Variants in TNS1 observed in about 807,000 individuals in gnomAD.
The protein encoded by TNS1 is tensin 1.
A neutral mutation model predicts 168.6 loss-of-function variants in TNS1; 62 were observed. The observed-to-expected ratio is 0.37, with a 90% CI of 0.30 to 0.45. TNS1 has a LOEUF of 0.45. Ranked by LOEUF, TNS1 falls within the 20% of genes least tolerant of loss-of-function variation. TNS1 has a pLI of 1.00. For missense variants in TNS1, 2,240 were observed against 2,339.4 expected, an observed-to-expected ratio of 0.96 and a Z score of 0.88; for synonymous variants, 934 against 933.2, an observed-to-expected ratio of 1.00 and a Z score of -0.02.
intron 18 of TNS1, among the ~76,000 whole-genome samples, chr2:217,852,466 A>G (rs1947636352): frequency 6.6e-6 from 1 of 152,198 alleles, no homozygotes; most frequent in Non-Finnish European, 1.5e-5. Context: ...GGAGCTGCAA[A>G]GCAAAGGCTG....
At position 217,831,695 on chromosome 2, in the gene TNS1, C is replaced by T. The variant is rs975746372; in HGVS notation, c.3281-148G>A. 2.7e-5 allele frequency: 14 copies of T among 524,324 alleles called. No homozygotes were observed. The East Asian group carries it at 3.5e-4, about 13-fold the overall frequency. 32.5% of individuals were successfully genotyped at this position (524,324 alleles called of 1,614,324 possible). A position where few individuals can be genotyped will look rare whatever the true frequency, so the allele number is the denominator to read the frequency against. On this transcript the variant is annotated intron_variant, in intron 21 of 32. Coordinates refer to ENST00000682258, the MANE Select transcript of TNS1 (RefSeq NM_001387777.1). ...CCTGAGGCCCAGCGCTTTGGCTCCA[C>T]TGCCCTTTCCCGCCTCCGTATTTCT...
In TNS1 at chr2:217,916,862, A is replaced by G. The variant is rs569245443; in HGVS notation, c.228+3333T>C. ...CAGAGAGCTGGAACTCAACTGAGAC[A>G]TGAAGAAAACACAACACACAGAAGG... is the stretch of plus-strand genomic sequence containing the variant. On this transcript the variant is annotated intron_variant, in intron 4 of 32. Coordinates refer to ENST00000682258, the MANE Select transcript of TNS1 (RefSeq NM_001387777.1). 3.3e-5 allele frequency among the ~76,000 whole-genome samples: 5 copies of G among 152,334 alleles called. No individual in the cohort carries two copies. In the East Asian group the frequency reaches 5.8e-4, roughly 18 times the overall value.
At chr2:217,920,563 A>ATTTTTTTTTTTTTTTTTTT (rs35026780) in intron 3 of TNS1, among the ~76,000 whole-genome samples, 1 of 135,920 alleles carries the variant, frequency 7.4e-6, no homozygotes. Context: ...AAGAAGAAGG[A>ATTTTTTTTTTTTTTTTTTT]TTTTTTTTTT....
At chr2:217,957,511 A>G (rs1181308543) in intron 3 of TNS1, among the ~76,000 whole-genome samples, 2 of 152,198 alleles carry the variant, frequency 1.3e-5, no homozygotes, top group Non-Finnish European at 2.9e-5. Flanking sequence ...AGCATGTATC[A>G]CCAATTGGCC....
rs1391282849 is a variant in TNS1 at position 217,885,122 on chromosome 2, C to T, written c.1159G>A (p.Val387Ile). ...GTGTGGAACTGCACACGGAAGATGA[C>T]GTCTCGGGCTGGGCTTCGGAACTTC... ...HKKFRSPARDVIFRVQFHTCA... is the reference protein window; with the variant it reads ...HKKFRSPARDIIFRVQFHTCA... Residue 387 changes from valine to isoleucine, a missense_variant, in exon 16 of 33, where the codon GTC (valine) becomes ATC (isoleucine). Physicochemically the swap from Val to Ile is conservative, Grantham distance 29. This residue lies in a region of TNS1 where 2,131 missense variants were observed against 2,171.2 expected (regional missense o/e 0.98). Coordinates refer to ENST00000682258, the MANE Select transcript of TNS1 (RefSeq NM_001387777.1). 13 of 1,614,210 alleles carry T rather than the reference C, an allele frequency of 8.1e-6. No individual in the cohort carries two copies. Among genetic ancestry groups the T allele is most frequent in the East Asian group, 4.5e-5 (2 of 44,882 alleles).
intron 19 of TNS1, among the ~76,000 whole-genome samples, chr2:217,846,246 C>T (rs529039142): frequency 6.6e-6 from 1 of 152,286 alleles, no homozygotes; most frequent in Non-Finnish European, 1.5e-5. Flanking sequence ...GTAAATACTC[C>T]TGCAATGGCC....
At chr2:217,896,896 C>T (rs564028337) in intron 8 of TNS1, among the ~76,000 whole-genome samples, 16 of 152,292 alleles carry the variant, frequency 1.1e-4, no homozygotes, top group Non-Finnish European at 2.1e-4. Context: ...AATATAAACG[C>T]TCTGCAAATA....
At chr2:217,908,733 G>C (rs560844244) in intron 4 of TNS1, among the ~76,000 whole-genome samples, 1 of 152,158 alleles carries the variant, frequency 6.6e-6, no homozygotes, top group African/African-American at 2.4e-5. Context: ...CTACTCTCCA[G>C]GGGATGAAAC....
At chr2:218,026,896 G>T (rs1958853213) in intron 1 of TNS1, among the ~76,000 whole-genome samples, 1 of 152,342 alleles carries the variant, frequency 6.6e-6, no homozygotes, top group South Asian at 2.1e-4. Context: ...GTGAAACTGA[G>T]CCAAGAGGAC....
chr2:217,983,958 A>G (rs1345838783), intron 2 of TNS1, among the ~76,000 whole-genome samples: 1 of 152,230 alleles, frequency 6.6e-6, no homozygotes, highest in Admixed American at 6.5e-5. Context: ...TCACATTTAA[A>G]TCAGTAAACT....
In TNS1 at chr2:217,840,291, G is replaced by C. The variant is rs1356516646; in HGVS notation, c.3008-4080C>G. Among the ~76,000 whole-genome samples, 6 of 152,248 alleles carry C rather than the reference G, an allele frequency of 3.9e-5. 1 individual carries two copies. Among genetic ancestry groups the C allele is most frequent in the Non-Finnish European group, 8.8e-5 (6 of 68,046 alleles). On this transcript the variant is annotated intron_variant, in intron 19 of 32. Coordinates refer to ENST00000682258, the MANE Select transcript of TNS1 (RefSeq NM_001387777.1). ...CAGGGGAAGGAAGAGGTGATTCCCT[G>C]GCCAGGGCTCAACGCCTAAGGGCCT...
chr2:217,973,181 C>T (rs1290045776), intron 3 of TNS1, among the ~76,000 whole-genome samples: 1 of 151,896 alleles, frequency 6.6e-6, no homozygotes, highest in African/African-American at 2.4e-5. Flanking sequence ...TGGCGAGACC[C>T]TGTCTCTACA....
At chr2:217,990,802 A>C in intron 2 of TNS1, 140 bp downstream of exon 2, 2 of 312,852 alleles carry the variant, frequency 6.4e-6, no homozygotes, top group Non-Finnish European at 1.2e-5. Flanking sequence ...TGAGCTCAGC[A>C]TCCTCCACCA....
chr2:217,829,468 G>A (rs535211102), intron 22 of TNS1, among the ~76,000 whole-genome samples: 134 of 152,320 alleles, frequency 8.8e-4, no homozygotes, highest in African/African-American at 3.0e-3. Context: ...TGTGGAGCAC[G>A]TCCCGGGAAA....
chr2:217,813,204 G>C lies in TNS1; in HGVS notation c.4954+11C>G. On this transcript the variant is annotated intron_variant, in intron 27 of 32. Coordinates refer to ENST00000682258, the MANE Select transcript of TNS1 (RefSeq NM_001387777.1). The surrounding 1 kb of genome is among the most constrained non-coding windows in gnomAD (Gnocchi z 4.0). ...CCAGACTGTAGAGATGGGGGCAGGGGGACAGCTCACCGAAGTTTGGCTCAT... is the reference window on the plus strand; with the variant it reads ...CCAGACTGTAGAGATGGGGGCAGGGCGACAGCTCACCGAAGTTTGGCTCAT... 1 of 1,593,510 alleles carries C rather than the reference G, an allele frequency of 6.3e-7. No homozygotes were observed. Among genetic ancestry groups the C allele is most frequent in the South Asian group, 1.1e-5 (1 of 88,046 alleles).
intron 3 of TNS1, among the ~76,000 whole-genome samples, chr2:217,924,898 G>A (rs971589694): frequency 6.6e-6 from 1 of 152,148 alleles, no homozygotes; most frequent in Non-Finnish European, 1.5e-5. Context: ...TGAGGTTTTT[G>A]ATCAGTCTCA....
intron 2 of TNS1, among the ~76,000 whole-genome samples, chr2:217,984,904 C>T (rs1268682037): frequency 2.6e-5 from 4 of 151,736 alleles, no homozygotes; most frequent in South Asian, 2.1e-4. Flanking sequence ...TACAGGTGCT[C>T]GCCACCATAC....
At position 217,937,196 on chromosome 2, in the gene TNS1, T is replaced by TC. The variant is rs1161623563; in HGVS notation, c.187-16961dup. 1.2e-5 allele frequency: 4 copies of TC among 322,948 alleles called. No homozygotes were observed. The Admixed American group carries it at 1.5e-4, about 12-fold the overall frequency. The allele number at this position is 322,948 out of a possible 1,614,324, so 20.0% of individuals were successfully genotyped here. ...TCTGTCTACTCCCCTACTCCCCTACTCCCCCCACTAGATCGTGTCTCCCGG... is the reference window on the plus strand; with the variant it reads ...TCTGTCTACTCCCCTACTCCCCTACTCCCCCCCACTAGATCGTGTCTCCCGG... On this transcript the variant is annotated intron_variant, in intron 3 of 32. Transcript: ENST00000682258.
chr2:217,947,405 C>T (rs1198547954), intron 3 of TNS1, among the ~76,000 whole-genome samples: 1 of 151,792 alleles, frequency 6.6e-6, no homozygotes, highest in Non-Finnish European at 1.5e-5. Context: ...GAGCAGGCGC[C>T]CAGTGGATGC....
Sources: allele counts gnomAD v4.1 joint callset (sites outside exome capture counted in the v4.1 genomes callset), GRCh38; gene constraint gnomAD v4.1.1; regional missense constraint gnomAD v4.1.1; non-coding constraint Gnocchi (gnomAD v3.1); transcripts MANE v1.5; gene names NCBI Gene and HGNC (gene_info 2026-07-23, HGNC 2026-07-21).